Variants in LRMDA observed in about 807,000 individuals in gnomAD.
The protein encoded by LRMDA is leucine-rich melanocyte differentiation-associated protein.
A neutral mutation model predicts 29.8 loss-of-function variants in LRMDA; 18 were observed. The ratio of observed to expected loss-of-function variants is 0.60; its 90% CI spans 0.42 to 0.90. The LOEUF is 0.90. Among genes scored for constraint, LRMDA ranks in the 40% least tolerant of loss-of-function variants. The probability of loss-of-function intolerance (pLI) is 0.00; values close to 1 mark genes in which losing one functional copy is unlikely to be tolerated. For synonymous variants in LRMDA, 125 were observed against 109.4 expected, an observed-to-expected ratio of 1.14 and a Z score of -0.89; for missense variants, 273 against 273.9, an observed-to-expected ratio of 1.00 and a Z score of 0.02.
chr10:75,582,017 C>T (rs1840600050), intron 2 of LRMDA, among the ~76,000 whole-genome samples: 1 of 152,228 alleles, frequency 6.6e-6, no homozygotes, highest in South Asian at 2.1e-4. Context: ...GGTGGGCTCC[C>T]AAGGTCTTGG....
chr10:76,301,569 T>A (rs575680161), intron 5 of LRMDA, among the ~76,000 whole-genome samples: 2 of 152,288 alleles, frequency 1.3e-5, no homozygotes, highest in Non-Finnish European at 2.9e-5. Context: ...CACCACACAA[T>A]GGCCTCTTGC....
intron 2 of LRMDA, among the ~76,000 whole-genome samples, chr10:75,603,126 G>A (rs1352646056): frequency 6.6e-6 from 1 of 151,664 alleles, no homozygotes; most frequent in Non-Finnish European, 1.5e-5. Context: ...AATAGCAATG[G>A]CTTATATATT....
chr10:76,206,439 G>A (rs577146406), intron 5 of LRMDA, among the ~76,000 whole-genome samples: 1 of 152,280 alleles, frequency 6.6e-6, no homozygotes, highest in South Asian at 2.1e-4. Flanking sequence ...AGTAGTACAG[G>A]AAAGTATGCA....
chr10:76,197,030 G>A (rs1388292695), intron 5 of LRMDA, among the ~76,000 whole-genome samples: 1 of 152,166 alleles, frequency 6.6e-6, no homozygotes, highest in Non-Finnish European at 1.5e-5. Context: ...GCCATGTGGA[G>A]TTTGGTCTGA....
At chr10:75,964,120 A>G (rs1012432035) in intron 2 of LRMDA, among the ~76,000 whole-genome samples, 12 of 152,118 alleles carry the variant, frequency 7.9e-5, no homozygotes, top group Non-Finnish European at 1.6e-4. Flanking sequence ...GGTGGGGAGG[A>G]GGGAAATAGC....
chr10:76,129,445 G>A (rs1408216833), intron 5 of LRMDA, among the ~76,000 whole-genome samples: 2 of 152,176 alleles, frequency 1.3e-5, no homozygotes, highest in African/African-American at 2.4e-5. Context: ...GAGACTGAAC[G>A]CTGGTCTCCT....
chr10:75,556,477 G>C (rs4746306), intron 2 of LRMDA, among the ~76,000 whole-genome samples: 1 of 152,062 alleles, frequency 6.6e-6, no homozygotes, highest in Non-Finnish European at 1.5e-5. Flanking sequence ...ATGATTAATC[G>C]TCACATCTGC....
rs773727346 is a variant in LRMDA, at chr10:76,500,855, T to TA, written c.602-56344dup. ...ACTATGCTTATTTTCTGCCTTTTTT[T>TA]AAAAAAAAAATAAAAGTAACTTCAA... On this transcript the variant is annotated intron_variant, in intron 6 of 6. Transcript: ENST00000611255. Among the ~76,000 whole-genome samples the TA allele has an allele frequency of 1.5e-4, 11 of 71,840 alleles. 3 individuals are homozygous for TA. The highest frequency in any genetic ancestry group is 3.6e-4 in the South Asian group (1 of 2,760). The allele number at this position is 71,840 out of a possible 152,430, so 47.1% of individuals were successfully genotyped here.
intron 6 of LRMDA, among the ~76,000 whole-genome samples, chr10:76,363,257 A>G (rs1564520833): frequency 3.6e-5 from 2 of 55,980 alleles, no homozygotes; most frequent in East Asian, 2.7e-4. Flanking sequence ...GAAAGAAAGA[A>G]GGAAGGAAGG....
At chr10:75,577,952 C>T (rs959622950) in intron 2 of LRMDA, among the ~76,000 whole-genome samples, 1 of 150,656 alleles carries the variant, frequency 6.6e-6, no homozygotes, top group African/African-American at 2.5e-5. Flanking sequence ...TTGTAAAGAC[C>T]ATGGATGCTA....
At chr10:75,537,168 A>T (rs965952745) in intron 2 of LRMDA, among the ~76,000 whole-genome samples, 9 of 151,896 alleles carry the variant, frequency 5.9e-5, no homozygotes, top group African/African-American at 2.2e-4. Flanking sequence ...TGTGTTCATT[A>T]TTTTTGGGGG....
At chr10:75,883,949 C>G (rs1025601390) in intron 2 of LRMDA, among the ~76,000 whole-genome samples, 4 of 151,872 alleles carry the variant, frequency 2.6e-5, no homozygotes, top group African/African-American at 9.7e-5. Flanking sequence ...CTGTCCTCAT[C>G]AAGCTATTCA....
chr10:75,639,703 T>C (rs1841428606), intron 2 of LRMDA, among the ~76,000 whole-genome samples: 1 of 152,092 alleles, frequency 6.6e-6, no homozygotes, highest in Non-Finnish European at 1.5e-5. Context: ...TTGGTTTAAC[T>C]TAGGTTTGAG....
At chr10:75,811,722 A>G (rs760987853) in intron 2 of LRMDA, among the ~76,000 whole-genome samples, 6 of 152,198 alleles carry the variant, frequency 3.9e-5, no homozygotes, top group Non-Finnish European at 8.8e-5. Flanking sequence ...GATGGAGCTC[A>G]TGCTCCCATT....
intron 2 of LRMDA, among the ~76,000 whole-genome samples, chr10:75,634,600 C>T (rs1245365211): frequency 2.0e-5 from 3 of 152,208 alleles, no homozygotes; most frequent in Non-Finnish European, 4.4e-5. Context: ...TTTGAGCTTG[C>T]AATCCCTGCC....
At chr10:76,305,292 T>C (rs996782060) in intron 5 of LRMDA, among the ~76,000 whole-genome samples, 5 of 152,126 alleles carry the variant, frequency 3.3e-5, no homozygotes, top group African/African-American at 1.2e-4. Flanking sequence ...TATCTTATAA[T>C]TGGTACAAAA....
At chr10:75,916,681 C>G (rs2132383825) in intron 2 of LRMDA, among the ~76,000 whole-genome samples, 1 of 152,266 alleles carries the variant, frequency 6.6e-6, no homozygotes, top group South Asian at 2.1e-4. Context: ...ATAATGGCAA[C>G]AGCTTTATGG....
At chr10:76,145,838 A>G (rs951923102) in intron 5 of LRMDA, among the ~76,000 whole-genome samples, 2 of 150,392 alleles carry the variant, frequency 1.3e-5, no homozygotes, top group African/African-American at 2.5e-5. Flanking sequence ...AGTGCTATAA[A>G]TTTCCCTCTA....
chr10:76,549,589 C>T (rs1843469817), intron 6 of LRMDA, among the ~76,000 whole-genome samples: 2 of 152,198 alleles, frequency 1.3e-5, no homozygotes, highest in South Asian at 4.1e-4. Flanking sequence ...GACAGCATAT[C>T]AGAACCCCAC....
Sources: allele counts gnomAD v4.1 joint callset (sites outside exome capture counted in the v4.1 genomes callset), GRCh38; gene constraint gnomAD v4.1.1; transcripts MANE v1.5; gene names NCBI Gene and HGNC (gene_info 2026-07-23, HGNC 2026-07-21).